ASTN1: variants seen among roughly 807,000 people sequenced by gnomAD.
ASTN1 encodes the protein astrotactin 1.
In ASTN1, 41 loss-of-function variants were observed where a neutral mutation model predicts 140.7. That is an observed-to-expected ratio of 0.29 (90% confidence interval 0.23 to 0.38). The LOEUF (loss-of-function observed/expected upper bound fraction) is 0.38, where lower values mean the gene tolerates loss of function less well. ASTN1 is among the 10% of genes least tolerant of loss of function. ASTN1 has a pLI of 1.00. For synonymous variants in ASTN1, 640 were observed against 652.2 expected, an observed-to-expected ratio of 0.98 and a Z score of 0.29; for missense variants, 1,479 against 1,678.8, an observed-to-expected ratio of 0.88 and a Z score of 2.08.
chr1:177,037,788 G>A (rs1214801172), intron 2 of ASTN1, among the ~76,000 whole-genome samples: 1 of 151,794 alleles, frequency 6.6e-6, no homozygotes, highest in African/African-American at 2.4e-5. Flanking sequence ...GTGTGTTTGG[G>A]GTATATGAGA....
chr1:177,014,937 T>C, intron 7 of ASTN1, 62 bp from the exon 8 acceptor site: 2 of 1,447,880 alleles, frequency 1.4e-6, no homozygotes, highest in South Asian at 2.3e-5. Flanking sequence ...CATGTCTGTG[T>C]TTGTAAAAAT....
At chr1:177,043,998 T>C (rs1677094521) in intron 2 of ASTN1, among the ~76,000 whole-genome samples, 1 of 152,134 alleles carries the variant, frequency 6.6e-6, no homozygotes, top group South Asian at 2.1e-4. Context: ...GAGGCCTGGT[T>C]TGTGAAGGCA....
chr1:177,069,429 G>A (rs1468429173), intron 1 of ASTN1, among the ~76,000 whole-genome samples: 1 of 152,116 alleles, frequency 6.6e-6, no homozygotes, highest in Non-Finnish European at 1.5e-5. Context: ...GAAGAAGCAG[G>A]AGTGATGAGA....
At chr1:176,907,200 A>C (rs186497802) in intron 16 of ASTN1, among the ~76,000 whole-genome samples, 1 of 152,222 alleles carries the variant, frequency 6.6e-6, no homozygotes, top group Non-Finnish European at 1.5e-5. Context: ...AGGCACTCCA[A>C]GTGATTCTGA....
At chr1:176,875,565 T>C (rs897038035) in intron 21 of ASTN1, among the ~76,000 whole-genome samples, 2 of 152,212 alleles carry the variant, frequency 1.3e-5, no homozygotes, top group Non-Finnish European at 2.9e-5. Flanking sequence ...CTCTTTCCCC[T>C]GTGATTTTGC....
intron 11 of ASTN1, among the ~76,000 whole-genome samples, chr1:176,949,963 A>G (rs755421371): frequency 7.9e-5 from 12 of 152,202 alleles, no homozygotes; most frequent in Non-Finnish European, 1.8e-4. Flanking sequence ...AAGACACCTA[A>G]GACACAAGGG....
chr1:177,030,712 C>T, intron 4 of ASTN1, 94 bp downstream of exon 4: 1 of 1,519,800 alleles, frequency 6.6e-7, no homozygotes, highest in African/African-American at 1.4e-5. Context: ...CCCTCTCCAG[C>T]CACGCATGAG....
chr1:176,994,779 A>G (rs1286429318), intron 8 of ASTN1, among the ~76,000 whole-genome samples: 1 of 152,224 alleles, frequency 6.6e-6, no homozygotes, highest in African/African-American at 2.4e-5. Flanking sequence ...ATAAGGTTGT[A>G]GTGAAGATTA....
chr1:177,127,622 A>C (rs2102194876), intron 1 of ASTN1, among the ~76,000 whole-genome samples: 1 of 152,274 alleles, frequency 6.6e-6, no homozygotes, highest in East Asian at 1.9e-4. Context: ...CCTTCAATGG[A>C]AGGTGACCTG....
chr1:177,158,768 C>T (rs1223908690), intron 1 of ASTN1, among the ~76,000 whole-genome samples: 1 of 150,354 alleles, frequency 6.7e-6, no homozygotes, highest in Non-Finnish European at 1.5e-5. Context: ...AATAAAGAAA[C>T]TAAAATTGGC....
Position 177,061,102 on chromosome 1 carries a change from C to G in ASTN1, c.447G>C (p.Leu149=). The change falls in exon 2 of 23, where the codon CTG becomes CTC. Residue 149 remains leucine, a synonymous_variant. Coordinates refer to ENST00000361833, the MANE Select transcript of ASTN1 (RefSeq NM_004319.3). ...EPQHESAEEE[L]RILHISVMGG... ...CCATGACTGAGATGTGGAGGATCCT[C>G]AGCTCCTCTTCTGCCGACTCATGTT... 1.2e-6 allele frequency: 2 copies of G among 1,608,272 alleles called. No homozygotes were observed. Among genetic ancestry groups the G allele is most frequent in the Non-Finnish European group, 1.7e-6 (2 of 1,177,246 alleles).
chr1:177,001,940 C>CTG (rs1472374291), intron 8 of ASTN1, among the ~76,000 whole-genome samples: 1 of 152,184 alleles, frequency 6.6e-6, no homozygotes, highest in African/African-American at 2.4e-5. Context: ...ACAAGGGAGT[C>CTG]TGTTCTATGT....
At chr1:177,094,796 C>T (rs1039863673) in intron 1 of ASTN1, among the ~76,000 whole-genome samples, 4 of 152,110 alleles carry the variant, frequency 2.6e-5, no homozygotes, top group African/African-American at 7.2e-5. Flanking sequence ...TAGAAAAAGC[C>T]TAGATTGCTG....
chr1:176,942,234 A>T (rs1435392774), intron 14 of ASTN1, among the ~76,000 whole-genome samples: 1 of 152,176 alleles, frequency 6.6e-6, no homozygotes, highest in African/African-American at 2.4e-5. Context: ...TCCTCATATC[A>T]ATCCTATGAG....
chr1:177,089,086 C>T (rs538756760), intron 1 of ASTN1, among the ~76,000 whole-genome samples: 3 of 152,222 alleles, frequency 2.0e-5, no homozygotes, highest in Non-Finnish European at 2.9e-5. Flanking sequence ...CAAGAGAGGA[C>T]GCTGATTTTT....
At chr1:177,042,269 G>A (rs536947647) in intron 2 of ASTN1, among the ~76,000 whole-genome samples, 11 of 152,268 alleles carry the variant, frequency 7.2e-5, no homozygotes, top group African/African-American at 2.2e-4. Flanking sequence ...CATGAGTGCC[G>A]TGAGATCTGG....
At chr1:176,909,400 C>T (rs563332022) in intron 16 of ASTN1, among the ~76,000 whole-genome samples, 3 of 152,298 alleles carry the variant, frequency 2.0e-5, no homozygotes, top group South Asian at 4.1e-4. Flanking sequence ...TGACATGATG[C>T]CTGTGGTTCC....
chr1:176,866,911 A>G (rs979651640), intron 22 of ASTN1, among the ~76,000 whole-genome samples: 2 of 152,218 alleles, frequency 1.3e-5, no homozygotes, highest in Admixed American at 6.5e-5. Context: ...ATTTCAACAC[A>G]GAGGATTTTT....
intron 1 of ASTN1, among the ~76,000 whole-genome samples, chr1:177,074,912 C>T (rs911679978): frequency 2.0e-5 from 3 of 152,014 alleles, no homozygotes; most frequent in Non-Finnish European, 4.4e-5. Flanking sequence ...TCACTTTTTG[C>T]CTCTGCAGTA....
Sources: allele counts gnomAD v4.1 joint callset (sites outside exome capture counted in the v4.1 genomes callset), GRCh38; gene constraint gnomAD v4.1.1; transcripts MANE v1.5; gene names NCBI Gene and HGNC (gene_info 2026-07-23, HGNC 2026-07-21).